SEMA4D: variants seen among roughly 807,000 people sequenced by gnomAD.
SEMA4D encodes the protein semaphorin 4D.
A neutral mutation model predicts 74.8 loss-of-function variants in SEMA4D; 22 were observed. The ratio of observed to expected loss-of-function variants is 0.29; its 90% CI spans 0.21 to 0.42. The LOEUF (loss-of-function observed/expected upper bound fraction) is 0.42. Among genes scored for constraint, SEMA4D ranks in the 10% least tolerant of loss-of-function variants. The probability of loss-of-function intolerance (pLI) is 1.00; values close to 1 mark genes in which losing one functional copy is unlikely to be tolerated. For synonymous variants in SEMA4D, 445 were observed against 463.7 expected (o/e 0.96, Z 0.52); for missense variants, 937 against 1,118.4 (o/e 0.84, Z 2.31).
chr9:89,448,406 G>C (rs947680652), intron 2 of SEMA4D, among the ~76,000 whole-genome samples: 4 of 152,214 alleles, frequency 2.6e-5, no homozygotes, highest in African/African-American at 9.7e-5. Flanking sequence ...AGGCATAAGG[G>C]ACCCAGGGCA....
At chr9:89,476,788 T>G (rs1861858370) in intron 1 of SEMA4D, among the ~76,000 whole-genome samples, 1 of 152,146 alleles carries the variant, frequency 6.6e-6, no homozygotes, top group South Asian at 2.1e-4. Flanking sequence ...CAGAGATGCC[T>G]CCAATCCCCA....
Position 89,484,139 on chromosome 9 carries a change from G to A in SEMA4D, c.-310+13780C>T, listed in dbSNP as rs569241397. 3.3e-5 allele frequency among the ~76,000 whole-genome samples: 5 copies of A among 152,356 alleles called. No individual in the cohort carries two copies. The East Asian group carries it at 7.7e-4, about 24-fold the overall frequency. On this transcript the variant is annotated intron_variant, in intron 1 of 15. Transcript: ENST00000422704. This position sits in a 1 kb window ranked among gnomAD's most constrained non-coding sequence, Gnocchi z 4.1. ...CAGGAACTGGAGCCTTAAAGAGGAC[G>A]CCGCGGCCACCCCGCCCTGCAGGCC...
Position 89,387,407 on chromosome 9 carries a change from C to G in SEMA4D, c.1309G>C (p.Asp437His). ...CCACCTGTGCTGACAAACATGACAT[C>G]ATAGACAGTCCCATCCAGGGCCTGG... is the stretch of plus-strand genomic sequence containing the variant. ...RTQALDGTVY[D>H]VMFVSTDRGA... Residue 437 changes from aspartate (D) to histidine (H), a missense_variant, in exon 12 of 16, where the codon GAT becomes CAT. Coordinates refer to ENST00000422704, the MANE Select transcript of SEMA4D (RefSeq NM_001371194.2). 1 of 1,613,904 alleles carries G rather than the reference C, an allele frequency of 6.2e-7. No individual in the cohort carries two copies. The highest frequency in any genetic ancestry group is 8.5e-7 in the Non-Finnish European group (1 of 1,179,780).
intron 1 of SEMA4D, among the ~76,000 whole-genome samples, chr9:89,482,947 GC>G (rs1193043240): frequency 6.6e-6 from 1 of 152,160 alleles, no homozygotes; most frequent in Non-Finnish European, 1.5e-5. Flanking sequence ...TAAAACCTGT[GC>G]CCACTGGCTG....
chr9:89,429,693 G>A (rs1587827203), intron 2 of SEMA4D, among the ~76,000 whole-genome samples: 1 of 152,174 alleles, frequency 6.6e-6, no homozygotes, highest in South Asian at 2.1e-4. Context: ...GACAGTGGCC[G>A]AGGGACGTAC....
intron 2 of SEMA4D, chr9:89,450,800 C>T (rs189097302): frequency 6.4e-6 from 5 of 782,346 alleles, no homozygotes; most frequent in Admixed American, 2.4e-5. Flanking sequence ...TCATCCCCTT[C>T]CCACCACACC....
At chr9:89,402,650 G>A (rs1353972951) in intron 4 of SEMA4D, among the ~76,000 whole-genome samples, 1 of 149,866 alleles carries the variant, frequency 6.7e-6, no homozygotes, top group Non-Finnish European at 1.5e-5. Flanking sequence ...CTGCTCATAG[G>A]TATGTTTGAG....
intron 2 of SEMA4D, chr9:89,449,685 G>C: frequency 2.0e-6 from 3 of 1,512,228 alleles, no homozygotes; most frequent in South Asian, 2.2e-5. Context: ...TAGCTCAGGT[G>C]TGTCAGTACT....
At chr9:89,449,623 G>T in intron 2 of SEMA4D, 1 of 1,207,932 alleles carries the variant, frequency 8.3e-7, no homozygotes, top group Non-Finnish European at 1.2e-6. Flanking sequence ...CCAACTATAA[G>T]ATGGGGGGGT....
rs1836223030 is a variant in SEMA4D, at chr9:89,378,479, A to C, written c.*225T>G. 3.7e-6 allele frequency: 2 copies of C among 539,010 alleles called. No individual in the cohort carries two copies. Among genetic ancestry groups the C allele is most frequent in the South Asian group, 4.6e-5 (2 of 43,018 alleles). 33.4% of individuals were successfully genotyped at this position (539,010 alleles called of 1,614,324 possible). A position where few individuals can be genotyped will look rare whatever the true frequency, so the allele number is the denominator to read the frequency against. The stretch of plus-strand genomic sequence containing the variant: ...CAAGTACTCCGACTGACTTCGGAAC[A>C]CAAGACTGGGATGCAATGCTTGTCA... On this transcript the variant is annotated 3_prime_UTR_variant, in exon 16 of 16. Transcript: ENST00000422704.
chr9:89,450,720 G>C (rs890369769), intron 2 of SEMA4D: 7 of 1,314,488 alleles, frequency 5.3e-6, no homozygotes, highest in Non-Finnish European at 7.3e-6. Context: ...GCCACCAGTG[G>C]GGAAACATTA....
intron 2 of SEMA4D, among the ~76,000 whole-genome samples, chr9:89,429,921 T>A (rs1205480660): frequency 6.6e-6 from 1 of 152,006 alleles, no homozygotes; most frequent in Non-Finnish European, 1.5e-5. Context: ...GGGTCAAGCT[T>A]TGCCAAATAG....
chr9:89,366,974 C>T (rs2132320211), intron 16 of SEMA4D: 1 of 151,624 alleles, frequency 6.6e-6, no homozygotes, highest in South Asian at 2.1e-4. Flanking sequence ...ATCATGGGAC[C>T]ACTGACTGCA....
At position 89,461,700 on chromosome 9, in the gene SEMA4D, C is replaced by CTCTTTTTTTTTTTTTTTTTTTTTTTTT. The variant is rs71281350; in HGVS notation, c.-309-5748_-309-5747insAAAAAAAAAAAAAAAAAAAAAAAAAGA. ...GGGCCAATGTGTATTTCTTTTTTCT[C>CTCTTTTTTTTTTTTTTTTTTTTTTTTT]TTTTTTTTTTTTTTTTTTTGGAGAC... On this transcript the variant is annotated intron_variant, in intron 1 of 15. Transcript: ENST00000422704. Among the ~76,000 whole-genome samples the CTCTTTTTTTTTTTTTTTTTTTTTTTTT allele has an allele frequency of 3.9e-5, 4 of 103,646 alleles. 1 individual carries two copies. Among genetic ancestry groups the CTCTTTTTTTTTTTTTTTTTTTTTTTTT allele is most frequent in the South Asian group, 3.8e-4 (1 of 2,646 alleles). 68.0% of individuals were successfully genotyped at this position (103,646 alleles called of 152,430 possible). A position where few individuals can be genotyped will look rare whatever the true frequency, so the allele number is the denominator to read the frequency against.
chr9:89,375,803 C>T (rs1385440864), downstream of SEMA4D, among the ~76,000 whole-genome samples: 1 of 152,214 alleles, frequency 6.6e-6, no homozygotes, highest in Admixed American at 6.5e-5. Flanking sequence ...ATTTTCCAAT[C>T]CAGGGCAAAT....
At chr9:89,415,173 G>T (rs1845450352) in intron 2 of SEMA4D, among the ~76,000 whole-genome samples, 1 of 151,894 alleles carries the variant, frequency 6.6e-6, no homozygotes, top group Non-Finnish European at 1.5e-5. Flanking sequence ...AGACAATACT[G>T]TCTTTTCTGG....
intron 2 of SEMA4D, among the ~76,000 whole-genome samples, chr9:89,419,356 G>A (rs73654784): frequency 0.015 from 2,292 of 152,260 alleles, 64 homozygotes; most frequent in African/African-American, 0.052. Flanking sequence ...ACCTGACACC[G>A]ACATTTCCTG....
At chr9:89,445,853 G>A (rs1398796896) in intron 2 of SEMA4D, among the ~76,000 whole-genome samples, 2 of 152,074 alleles carry the variant, frequency 1.3e-5, no homozygotes, top group South Asian at 2.1e-4. Context: ...GGCCTCAGGC[G>A]GGTTCCCTAC....
chr9:89,454,418 C>CT (rs1201448352), intron 2 of SEMA4D, among the ~76,000 whole-genome samples: 1 of 152,094 alleles, frequency 6.6e-6, no homozygotes, highest in African/African-American at 2.4e-5. Flanking sequence ...ATGGTCAGCC[C>CT]CCCCCAGATT....
Sources: allele counts gnomAD v4.1 joint callset (sites outside exome capture counted in the v4.1 genomes callset), GRCh38; gene constraint gnomAD v4.1.1; non-coding constraint Gnocchi (gnomAD v3.1); transcripts MANE v1.5; gene names NCBI Gene and HGNC (gene_info 2026-07-23, HGNC 2026-07-21).